Variants in CALN1 observed in about 807,000 individuals in gnomAD.
The protein encoded by CALN1 is calcium-binding protein 8.
Under a neutral mutation model 30.6 loss-of-function variants are expected in CALN1, and 17 were observed. The observed-to-expected ratio is 0.56, with a 90% CI of 0.38 to 0.83. CALN1 has a LOEUF of 0.83. Among genes scored for constraint, CALN1 ranks in the 40% least tolerant of loss-of-function variants. CALN1 has a pLI of 0.00. For synonymous variants in CALN1, 156 were observed against 131.4 expected (o/e 1.19, Z -1.28); for missense variants, 291 against 354.9 (o/e 0.82, Z 1.45).
intron 5 of CALN1, among the ~76,000 whole-genome samples, chr7:71,884,122 C>G (rs1792751329): frequency 6.6e-6 from 1 of 152,088 alleles, no homozygotes; most frequent in Admixed American, 6.5e-5. Flanking sequence ...ACCATGTTGG[C>G]CAGGATGGTC....
chr7:71,894,031 C>T (rs1483836392), intron 5 of CALN1, among the ~76,000 whole-genome samples: 2 of 152,004 alleles, frequency 1.3e-5, no homozygotes, highest in Non-Finnish European at 2.9e-5. Flanking sequence ...TTTTTATATT[C>T]TGTCACGTTC....
chr7:71,816,501 A>G (rs776810460), intron 5 of CALN1, among the ~76,000 whole-genome samples: 6 of 152,202 alleles, frequency 3.9e-5, no homozygotes, highest in Non-Finnish European at 8.8e-5. Context: ...ATCAAGGTCA[A>G]CAAGACTCAG....
At chr7:72,024,522 C>T (rs562797391) in intron 4 of CALN1, among the ~76,000 whole-genome samples, 5 of 152,234 alleles carry the variant, frequency 3.3e-5, no homozygotes, top group East Asian at 1.9e-4. Context: ...CCTCAGCCTC[C>T]AGAGTAGCTG....
chr7:72,377,789 C>CT (rs1285485591), intron 2 of CALN1, among the ~76,000 whole-genome samples: 1 of 152,090 alleles, frequency 6.6e-6, no homozygotes, highest in Non-Finnish European at 1.5e-5. Context: ...AACACTCAGT[C>CT]AAGAAGTTGA....
intron 2 of CALN1, among the ~76,000 whole-genome samples, chr7:72,284,157 T>C (rs535586714): frequency 5.3e-5 from 8 of 152,044 alleles, no homozygotes; most frequent in Non-Finnish European, 8.8e-5. Flanking sequence ...TAGTCAGGCA[T>C]GGTGGTGCAT....
At chr7:71,932,236 A>C (rs1480571183) in intron 5 of CALN1, among the ~76,000 whole-genome samples, 1 of 152,164 alleles carries the variant, frequency 6.6e-6, no homozygotes, top group East Asian at 1.9e-4. Context: ...GCTGGAGTAC[A>C]GTGATCATAG....
chr7:72,060,776 C>G (rs1487571659), intron 4 of CALN1, among the ~76,000 whole-genome samples: 1 of 152,162 alleles, frequency 6.6e-6, no homozygotes, highest in Non-Finnish European at 1.5e-5. Flanking sequence ...CCCCGTCTCT[C>G]ATGCTTTGTG....
At chr7:71,878,607 G>C (rs901711753) in intron 5 of CALN1, among the ~76,000 whole-genome samples, 9 of 152,126 alleles carry the variant, frequency 5.9e-5, no homozygotes, top group African/African-American at 2.2e-4. Context: ...AGCTGAAATG[G>C]AAGTGGATTT....
Position 72,323,670 on chromosome 7 carries a change from A to T in CALN1, c.120-44860T>A, listed in dbSNP as rs553481008. Among the ~76,000 whole-genome samples the T allele has an allele frequency of 7.9e-4, 119 of 150,790 alleles. 1 individual carries two copies. The East Asian group carries it at 8.0e-3, about 10-fold the overall frequency. ...GAGCGAGACTCCATCTCAAAAAAAA[A>T]AAAATAAAAAATAAAGAGAACAAAA... On this transcript the variant is annotated intron_variant, in intron 2 of 6. Coordinates refer to ENST00000395275, the MANE Select transcript of CALN1 (RefSeq NM_031468.4).
intron 1 of CALN1, among the ~76,000 whole-genome samples, chr7:72,418,922 G>A (rs551637727): frequency 1.5e-4 from 23 of 152,184 alleles, no homozygotes; most frequent in African/African-American, 5.1e-4. Flanking sequence ...ACACTGTGCC[G>A]GGAGGATTGC....
At chr7:72,211,439 A>G (rs1053234791) in intron 3 of CALN1, among the ~76,000 whole-genome samples, 2 of 152,178 alleles carry the variant, frequency 1.3e-5, no homozygotes, top group African/African-American at 4.8e-5. Context: ...CTTTTATTTC[A>G]GCAAGAAAGG....
intron 5 of CALN1, among the ~76,000 whole-genome samples, chr7:71,864,708 A>T (rs1791488806): frequency 6.6e-6 from 1 of 152,192 alleles, no homozygotes; most frequent in African/African-American, 2.4e-5. Context: ...AACAATAGAA[A>T]ATAAATGCAC....
chr7:72,187,732 G>A (rs1285370245), intron 3 of CALN1, among the ~76,000 whole-genome samples: 4 of 152,110 alleles, frequency 2.6e-5, no homozygotes, highest in African/African-American at 7.2e-5. Context: ...GTCAGCATTC[G>A]CTCTTTTCGT....
intron 4 of CALN1, among the ~76,000 whole-genome samples, chr7:72,061,448 G>A (rs1379410748): frequency 6.6e-6 from 1 of 151,518 alleles, no homozygotes; most frequent in Admixed American, 6.6e-5. Context: ...CCTCTCGAGA[G>A]GAATGGGAAA....
intron 5 of CALN1, among the ~76,000 whole-genome samples, chr7:72,012,512 AAAAAC>A (rs1246113648): frequency 2.0e-5 from 3 of 152,248 alleles, no homozygotes; most frequent in African/African-American, 2.4e-5. Flanking sequence ...CTCCGTCTCA[AAAAAC>A]AAAACAAAAC....
chr7:72,403,053 A>C (rs1806447231), intron 2 of CALN1, among the ~76,000 whole-genome samples, 198 bp downstream of exon 2: 1 of 152,076 alleles, frequency 6.6e-6, no homozygotes, highest in Admixed American at 6.5e-5. Context: ...CATCCCATCC[A>C]CACATCTCAA....
chr7:72,413,583 CATACAT>C (rs879765182), upstream of CALN1, among the ~76,000 whole-genome samples: 101 of 129,342 alleles, frequency 7.8e-4, 1 homozygote, highest in Middle Eastern at 0.02. Context: ...CACACACACT[CATACAT>C]ATACACACTA....
At chr7:71,894,186 A>G (rs1248085106) in intron 5 of CALN1, among the ~76,000 whole-genome samples, 1 of 152,140 alleles carries the variant, frequency 6.6e-6, no homozygotes, top group Non-Finnish European at 1.5e-5. Flanking sequence ...TTTATTTATA[A>G]ACGGGTTTAA....
intron 5 of CALN1, among the ~76,000 whole-genome samples, chr7:71,833,931 A>G (rs1789443999): frequency 6.6e-6 from 1 of 151,970 alleles, no homozygotes; most frequent in Non-Finnish European, 1.5e-5. Flanking sequence ...AAAAATCTTA[A>G]AAGTTAAATT....
Sources: allele counts gnomAD v4.1 joint callset (sites outside exome capture counted in the v4.1 genomes callset), GRCh38; gene constraint gnomAD v4.1.1; transcripts MANE v1.5; gene names NCBI Gene and HGNC (gene_info 2026-07-23, HGNC 2026-07-21).